Variants in GRIP1 observed in about 807,000 individuals in gnomAD.
GRIP1 encodes glutamate receptor-interacting protein 1.
Under a neutral mutation model 129.9 loss-of-function variants are expected in GRIP1, and 45 were observed. The observed-to-expected ratio is 0.35, with a 90% CI of 0.27 to 0.44. The LOEUF (loss-of-function observed/expected upper bound fraction) is 0.44. Ranked by LOEUF, GRIP1 falls within the 20% of genes least tolerant of loss-of-function variation. The probability of loss-of-function intolerance (pLI) is 1.00; values close to 1 mark genes in which losing one functional copy is unlikely to be tolerated. For missense variants in GRIP1, 1,196 were observed against 1,396.8 expected, an observed-to-expected ratio of 0.86 and a Z score of 2.29; for synonymous variants, 530 against 520.8, an observed-to-expected ratio of 1.02 and a Z score of -0.24.
chr12:66,434,182 G>C (rs1415287143), intron 13 of GRIP1, among the ~76,000 whole-genome samples: 3 of 152,094 alleles, frequency 2.0e-5, no homozygotes, highest in African/African-American at 7.2e-5. Flanking sequence ...GATTTCCCTG[G>C]GCCCGCCTAG....
At chr12:67,066,888 T>A (rs11176560) in intron 1 of GRIP1, among the ~76,000 whole-genome samples, 241 of 125,626 alleles carry the variant, frequency 1.9e-3, no homozygotes, top group African/African-American at 6.2e-3. Flanking sequence ...AAATATATAT[T>A]TATATATATA....
intron 1 of GRIP1, among the ~76,000 whole-genome samples, chr12:67,003,520 C>T (rs2042582133): frequency 6.6e-6 from 1 of 151,870 alleles, no homozygotes; most frequent in Non-Finnish European, 1.5e-5. Flanking sequence ...GGTGAAATCC[C>T]ATCTCTACTA....
At chr12:66,967,692 T>C (rs1394226820) in intron 1 of GRIP1, among the ~76,000 whole-genome samples, 1 of 152,180 alleles carries the variant, frequency 6.6e-6, no homozygotes, top group Non-Finnish European at 1.5e-5. Context: ...TTGTGACCTC[T>C]TCAGTCATGT....
At chr12:66,378,811 G>A (rs1354003284) in intron 20 of GRIP1, among the ~76,000 whole-genome samples, 1 of 151,942 alleles carries the variant, frequency 6.6e-6, no homozygotes, top group African/African-American at 2.4e-5. Flanking sequence ...GGCACATGTG[G>A]TGGCACAGGC....
Position 66,678,874 on chromosome 12 carries a change from G to C in GRIP1, c.31C>G (p.Gln11Glu). The part of the protein sequence containing the change: MIAVSFKCRC[Q>E]ILRRLTKDES... The stretch of plus-strand genomic sequence containing the variant: ...CCTTTAGTAAGTCGCCTCAGAATTT[G>C]ACAACGGCATTTAAAAGAGACAGCT... Residue 11 changes from glutamine to glutamate, a missense_variant, in exon 1 of 25, where the codon CAA (glutamine) becomes GAA (glutamate). Around this residue, in one of 5 missense-constraint regions of GRIP1, gnomAD observed 217 missense variants for 224.8 expected, o/e 0.97. Coordinates refer to ENST00000359742, the MANE Select transcript of GRIP1 (RefSeq NM_001366722.1). 1 of 1,613,462 alleles carries C rather than the reference G, an allele frequency of 6.2e-7. No homozygotes were observed. Among genetic ancestry groups the C allele is most frequent in the Non-Finnish European group, 8.5e-7 (1 of 1,179,606 alleles).
chr12:67,043,156 G>A (rs1013026479), intron 1 of GRIP1, among the ~76,000 whole-genome samples: 2 of 152,158 alleles, frequency 1.3e-5, no homozygotes, highest in African/African-American at 4.8e-5. Flanking sequence ...GGGAGCCCTT[G>A]CAGTTCTATG....
intron 1 of GRIP1, among the ~76,000 whole-genome samples, chr12:66,837,968 C>A (rs186211681): frequency 6.6e-6 from 1 of 152,110 alleles, no homozygotes; most frequent in South Asian, 2.1e-4. Flanking sequence ...CCAAGGTGGG[C>A]GGATCACCTG....
chr12:66,822,519 T>C (rs1184809819), intron 1 of GRIP1, among the ~76,000 whole-genome samples: 3 of 152,020 alleles, frequency 2.0e-5, no homozygotes, highest in African/African-American at 4.8e-5. Flanking sequence ...CAAAAGAAAA[T>C]AAATTATTCC....
intron 7 of GRIP1, among the ~76,000 whole-genome samples, chr12:66,515,294 A>G (rs1161462637): frequency 1.3e-5 from 2 of 152,212 alleles, no homozygotes; most frequent in East Asian, 3.9e-4. Context: ...CCAGTCCTTA[A>G]GTTAATAATA....
At chr12:66,363,200 C>CTATATATATATATATAT (rs1565666281) in intron 23 of GRIP1, among the ~76,000 whole-genome samples, 1,982 of 88,126 alleles carry the variant, frequency 0.022, 166 homozygotes, top group African/African-American at 0.029. Context: ...TGTGTGTGTC[C>CTATATATATATATATAT]ATATATATAT....
intron 1 of GRIP1, among the ~76,000 whole-genome samples, chr12:67,053,354 T>C (rs546026143): frequency 1.3e-5 from 2 of 152,320 alleles, no homozygotes; most frequent in East Asian, 3.9e-4. Flanking sequence ...GTAAACTCAT[T>C]TTATCCCATT....
intron 1 of GRIP1, among the ~76,000 whole-genome samples, chr12:66,673,947 G>A (rs1250306216): frequency 6.6e-6 from 1 of 152,158 alleles, no homozygotes; most frequent in East Asian, 1.9e-4. Flanking sequence ...AGATAAATAC[G>A]TTAAATGCAC....
intron 4 of GRIP1, 117 bp from the exon 5 acceptor site, chr12:66,530,031 A>T: frequency 1.4e-6 from 1 of 703,438 alleles, no homozygotes; most frequent in Non-Finnish European, 2.5e-6. Flanking sequence ...TTGAGTAATA[A>T]GCAACAATTC....
At chr12:66,446,724 A>G (rs897877459) in intron 11 of GRIP1, among the ~76,000 whole-genome samples, 1 of 151,970 alleles carries the variant, frequency 6.6e-6, no homozygotes, top group Non-Finnish European at 1.5e-5. Flanking sequence ...TGCCATTATG[A>G]TGATAACCTT....
At chr12:66,397,511 T>TA (rs869155182) in intron 16 of GRIP1, among the ~76,000 whole-genome samples, 1,860 of 129,338 alleles carry the variant, frequency 0.014, 38 homozygotes, top group African/African-American at 0.045. Flanking sequence ...AGACACCCTC[T>TA]AAAAAAAAAA....
chr12:66,411,353 A>G (rs11176171), intron 15 of GRIP1, among the ~76,000 whole-genome samples: 9,780 of 151,722 alleles, frequency 0.064, 836 homozygotes, highest in African/African-American at 0.19. Context: ...TCTGGAGTAG[A>G]CCCCCAGCAA....
At chr12:66,978,665 T>C (rs1423895659) in intron 1 of GRIP1, among the ~76,000 whole-genome samples, 7 of 152,160 alleles carry the variant, frequency 4.6e-5, no homozygotes, top group Non-Finnish European at 8.8e-5. Flanking sequence ...TAAAAGTTAC[T>C]AGATTTCAGC....
chr12:66,950,685 GTGTC>G (rs1348904957), intron 1 of GRIP1, among the ~76,000 whole-genome samples: 1 of 152,022 alleles, frequency 6.6e-6, no homozygotes, highest in African/African-American at 2.4e-5. Context: ...GTGTGTCTGT[GTGTC>G]TGTGTGTGTC....
intron 1 of GRIP1, among the ~76,000 whole-genome samples, chr12:66,760,504 G>C (rs990787075): frequency 1.2e-4 from 18 of 152,122 alleles, no homozygotes; most frequent in Admixed American, 1.0e-3. Flanking sequence ...AAATGAAAAA[G>C]CAAAAGCAGA....
Sources: allele counts gnomAD v4.1 joint callset (sites outside exome capture counted in the v4.1 genomes callset), GRCh38; gene constraint gnomAD v4.1.1; regional missense constraint gnomAD v4.1.1; transcripts MANE v1.5; gene names NCBI Gene and HGNC (gene_info 2026-07-23, HGNC 2026-07-21).